The following PRR11 variants were observed in gnomAD, a reference collection of about 807,000 sequenced individuals.
PRR11 encodes the protein proline-rich protein 11.
PRR11 carries 30 observed loss-of-function variants against 45.6 expected under a neutral mutation model. The ratio of observed to expected loss-of-function variants is 0.66; its 90% CI spans 0.49 to 0.89. The LOEUF is 0.89. Among genes scored for constraint, PRR11 ranks in the 40% least tolerant of loss-of-function variants. PRR11 has a pLI of 0.00. For synonymous variants in PRR11, 128 were observed against 153.5 expected, an observed-to-expected ratio of 0.83 and a Z score of 1.23; for missense variants, 373 against 424.8, an observed-to-expected ratio of 0.88 and a Z score of 1.07.
intron 4 of PRR11, among the ~76,000 whole-genome samples, chr17:59,188,119 A>G (rs2046822772): frequency 1.3e-5 from 2 of 152,198 alleles, no homozygotes; most frequent in East Asian, 3.9e-4. Context: ...TCTGGATTAC[A>G]GTGTGTCCGG....
In PRR11 at chr17:59,193,565, C is replaced by T. The variant is rs752088200; in HGVS notation, c.476C>T (p.Pro159Leu). The change falls in exon 5 of 10, where the codon CCT becomes CTT. Residue 159 changes from proline to leucine, a missense_variant. By Grantham distance (98) the Pro-to-Leu change is moderately conservative. Coordinates refer to ENST00000262293, the MANE Select transcript of PRR11 (RefSeq NM_018304.4). ...CHMSGKLTNV[P>L]ACVLITPGDS... Reference sequence around the variant, plus strand: ...ATGAGTGGTAAACTTACAAATGTGCCTGCCTGCGTTCTGATCACCCCTGGA... The same window carrying T: ...ATGAGTGGTAAACTTACAAATGTGCTTGCCTGCGTTCTGATCACCCCTGGA... 2 of 1,614,146 alleles carry T rather than the reference C, an allele frequency of 1.2e-6. No individual in the cohort carries two copies. Among genetic ancestry groups the T allele is most frequent in the South Asian group, 2.2e-5 (2 of 91,082 alleles).
At chr17:59,197,813 T>C (rs1200285642) in intron 9 of PRR11, 24 bp downstream of exon 9, 3 of 1,595,020 alleles carry the variant, frequency 1.9e-6, no homozygotes, top group South Asian at 1.1e-5. Flanking sequence ...AAAAGAATAT[T>C]GGTTCCTTTG....
chr17:59,188,034 T>G (rs550436230), intron 4 of PRR11, among the ~76,000 whole-genome samples: 4 of 152,268 alleles, frequency 2.6e-5, no homozygotes, highest in Non-Finnish European at 5.9e-5. Flanking sequence ...AACTTTTACT[T>G]ACATCTCATT....
In PRR11 at chr17:59,201,590, A is replaced by T; in HGVS notation, c.1042A>T (p.Thr348Ser). ...QLAHPRSPTP[T>S]LPLSTSSFDE... ...GGCTCACCCTAGAAGCCCAACTCCA[A>T]CTCTGCCACTTTCTACAAGCAGCTT... The change falls in exon 10 of 10, where the codon ACT (threonine) becomes TCT (serine). Residue 348 changes from threonine to serine, a missense_variant. By Grantham distance (58) the Thr-to-Ser change is moderately conservative. Transcript: ENST00000262293. 6.2e-7 allele frequency: 1 copy of T among 1,613,234 alleles called. No individual in the cohort carries two copies. Among genetic ancestry groups the T allele is most frequent in the Non-Finnish European group, 8.5e-7 (1 of 1,179,986 alleles).
At chr17:59,181,300 T>G (rs886134635) in intron 2 of PRR11, among the ~76,000 whole-genome samples, 42 of 151,678 alleles carry the variant, frequency 2.8e-4, no homozygotes, top group African/African-American at 9.8e-4. Context: ...AAACCAAGCT[T>G]TCTTATCCCG....
Position 59,204,730 on chromosome 17 carries a change from AAG to A in PRR11, c.*3101_*3102del. ...CAAAAAAAAAAAAAAGAAAGAAAGAAAGAAAAAATGCTTTATGGCCCAGTGCA... is the reference window on the plus strand; with the variant it reads ...CAAAAAAAAAAAAAAGAAAGAAAGAAAAAAAATGCTTTATGGCCCAGTGCA... On this transcript the variant is annotated 3_prime_UTR_variant, in exon 10 of 10. Coordinates refer to ENST00000262293, the MANE Select transcript of PRR11 (RefSeq NM_018304.4). 6.5e-6 allele frequency: 1 copy of A among 152,782 alleles called. No individual in the cohort carries two copies. Among genetic ancestry groups the A allele is most frequent in the Non-Finnish European group, 1.5e-5 (1 of 68,846 alleles). 9.5% of individuals were successfully genotyped at this position (152,782 alleles called of 1,614,324 possible). A position where few individuals can be genotyped will look rare whatever the true frequency, so the allele number is the denominator to read the frequency against.
chr17:59,177,524 G>A (rs2046754739), intron 2 of PRR11, among the ~76,000 whole-genome samples: 1 of 152,126 alleles, frequency 6.6e-6, no homozygotes. Flanking sequence ...AGGTCGGCTG[G>A]TATCAGGAGG....
intron 2 of PRR11, among the ~76,000 whole-genome samples, chr17:59,176,832 G>T (rs1292046379): frequency 5.9e-5 from 9 of 151,436 alleles, no homozygotes; most frequent in South Asian, 2.1e-4. Context: ...GAGTAGTTTG[G>T]ATTACAGGTG....
chr17:59,175,230 G>C, intron 2 of PRR11: 2 of 401,758 alleles, frequency 5.0e-6, no homozygotes, highest in Non-Finnish European at 9.5e-6. Flanking sequence ...CCTCAGCTCA[G>C]GACTGGCACC....
At chr17:59,193,957 A>T (rs189379235) in intron 5 of PRR11, among the ~76,000 whole-genome samples, 1 of 152,312 alleles carries the variant, frequency 6.6e-6, no homozygotes, top group East Asian at 1.9e-4. Context: ...TGTGAAACCC[A>T]GTAGAGTGGA....
At chr17:59,166,749 C>T (rs906076667) in intron 1 of PRR11, among the ~76,000 whole-genome samples, 1 of 152,062 alleles carries the variant, frequency 6.6e-6, no homozygotes, top group Non-Finnish European at 1.5e-5. Flanking sequence ...TTGATTATAT[C>T]CCGACATTTG....
intron 9 of PRR11, among the ~76,000 whole-genome samples, chr17:59,199,753 G>A (rs764572754): frequency 3.3e-5 from 5 of 152,162 alleles, no homozygotes; most frequent in Non-Finnish European, 5.9e-5. Context: ...CTTTTGTTCC[G>A]TGTTTGAGAA....
rs1307344216 is a variant in PRR11, at chr17:59,174,989, C to T, written c.128+5109C>T. On this transcript the variant is annotated intron_variant, in intron 2 of 9. Transcript: ENST00000262293. ...CCAACTACTCCAGGGAAACCCAAGC[C>T]CTCCAGCGCATGGAACGGAAGAACT... 14 of 776,622 alleles carry T rather than the reference C, an allele frequency of 1.8e-5. No individual in the cohort carries two copies. In the Admixed American group the frequency reaches 2.3e-4, roughly 13 times the overall value. 48.1% of individuals were successfully genotyped at this position (776,622 alleles called of 1,614,324 possible).
At chr17:59,172,774 G>T (rs908818673) in intron 2 of PRR11, among the ~76,000 whole-genome samples, 3 of 152,232 alleles carry the variant, frequency 2.0e-5, no homozygotes, top group Non-Finnish European at 4.4e-5. Context: ...CAGGGCTCGG[G>T]ACCTGCAGCC....
At chr17:59,194,705 C>T in intron 5 of PRR11, 52 bp from the exon 6 acceptor site, 1 of 1,392,002 alleles carries the variant, frequency 7.2e-7, no homozygotes, top group Non-Finnish European at 1.0e-6. Flanking sequence ...ATTTGCATTT[C>T]ACCAGTTGTG....
chr17:59,193,898 A>G (rs1182714961), intron 5 of PRR11, among the ~76,000 whole-genome samples, 164 bp downstream of exon 5: 6 of 152,222 alleles, frequency 3.9e-5, no homozygotes, highest in African/African-American at 1.4e-4. Flanking sequence ...TTAAAATCTC[A>G]GTTCCTGAGA....
intron 1 of PRR11, among the ~76,000 whole-genome samples, chr17:59,164,357 C>A (rs969446036): frequency 1.3e-5 from 2 of 152,060 alleles, no homozygotes; most frequent in African/African-American, 4.8e-5. Context: ...TATCTTAATT[C>A]TTTCCTCACA....
intron 2 of PRR11, among the ~76,000 whole-genome samples, chr17:59,184,537 C>G (rs562774616): frequency 6.6e-6 from 1 of 152,240 alleles, no homozygotes; most frequent in South Asian, 2.1e-4. Flanking sequence ...CTAGGAGTCT[C>G]TTGCTCATGG....
chr17:59,171,135 C>T (rs1433442139), intron 2 of PRR11, among the ~76,000 whole-genome samples: 1 of 152,068 alleles, frequency 6.6e-6, no homozygotes, highest in East Asian at 1.9e-4. Flanking sequence ...CGGTGGCAGG[C>T]GCCTGTAGTC....
Sources: allele counts gnomAD v4.1 joint callset (sites outside exome capture counted in the v4.1 genomes callset), GRCh38; gene constraint gnomAD v4.1.1; transcripts MANE v1.5; gene names NCBI Gene and HGNC (gene_info 2026-07-23, HGNC 2026-07-21).